Variants in SGCZ observed in about 807,000 individuals in gnomAD.
SGCZ encodes sarcoglycan zeta, also known as zeta-sarcoglycan.
SGCZ carries 40 observed loss-of-function variants against 41.3 expected under a neutral mutation model. That is an observed-to-expected ratio of 0.97 (90% CI 0.75 to 1.26). The LOEUF (loss-of-function observed/expected upper bound fraction) is 1.26. Ranked by LOEUF, SGCZ falls within the 50% of genes most tolerant of loss-of-function variation. The pLI is 0.00. For synonymous variants in SGCZ, 206 were observed against 137.5 expected (o/e 1.50, Z -3.49); for missense variants, 552 against 369.8 (o/e 1.49, Z -4.04).
chr8:14,124,393 C>A (rs1276334083), intron 5 of SGCZ, among the ~76,000 whole-genome samples: 1 of 152,062 alleles, frequency 6.6e-6, no homozygotes, highest in Non-Finnish European at 1.5e-5. Context: ...CACACCCACA[C>A]AAGACCCCAA....
chr8:14,409,178 A>G (rs1279495972), intron 2 of SGCZ, among the ~76,000 whole-genome samples: 1 of 152,060 alleles, frequency 6.6e-6, no homozygotes, highest in Non-Finnish European at 1.5e-5. Context: ...CATTTATATA[A>G]CCAACACGTT....
At chr8:15,221,887 A>G (rs576372776) in intron 1 of SGCZ, among the ~76,000 whole-genome samples, 2 of 152,316 alleles carry the variant, frequency 1.3e-5, no homozygotes, top group African/African-American at 4.8e-5. Context: ...CCATGTCACC[A>G]TGTGGAACAC....
At chr8:14,498,161 A>G (rs1585596507) in intron 2 of SGCZ, among the ~76,000 whole-genome samples, 1 of 152,222 alleles carries the variant, frequency 6.6e-6, no homozygotes, top group East Asian at 1.9e-4. Context: ...ACTTTTCTCT[A>G]TCTAGGCATT....
At chr8:14,970,898 G>C (rs2130864245) in intron 1 of SGCZ, among the ~76,000 whole-genome samples, 1 of 152,228 alleles carries the variant, frequency 6.6e-6, no homozygotes, top group Non-Finnish European at 1.5e-5. Context: ...GAACTGGCAT[G>C]CTAACAATGT....
intron 2 of SGCZ, among the ~76,000 whole-genome samples, chr8:14,411,404 A>G (rs926406375): frequency 6.6e-6 from 1 of 152,142 alleles, no homozygotes; most frequent in Non-Finnish European, 1.5e-5. Flanking sequence ...GGTCATGCCT[A>G]CTTCAATTTA....
chr8:14,613,903 T>C (rs1201155043), intron 1 of SGCZ, among the ~76,000 whole-genome samples: 3 of 152,046 alleles, frequency 2.0e-5, no homozygotes, highest in Non-Finnish European at 2.9e-5. Flanking sequence ...CAAAAAAAAA[T>C]CAAAATCTAG....
intron 2 of SGCZ, among the ~76,000 whole-genome samples, chr8:14,407,007 G>A (rs2199416): frequency 0.22 from 32,996 of 150,950 alleles, 3,968 homozygotes; most frequent in Non-Finnish European, 0.29. Context: ...TTTGGAGCCT[G>A]CCTGTCCTGC....
intron 5 of SGCZ, among the ~76,000 whole-genome samples, chr8:14,125,504 A>G (rs1158262016): frequency 1.7e-5 from 1 of 59,466 alleles, no homozygotes; most frequent in Non-Finnish European, 2.8e-5. Flanking sequence ...ATTCCGTCTC[A>G]AAAAAAAAAA....
chr8:14,676,346 A>ATGTATGTGTGTGTGTGTGTG (rs1554478521), intron 1 of SGCZ, among the ~76,000 whole-genome samples: 2 of 149,310 alleles, frequency 1.3e-5, no homozygotes, highest in Non-Finnish European at 1.5e-5. Context: ...AATGAAATAG[A>ATGTATGTGTGTGTGTGTGTG]TGTGTGTGTG....
At chr8:14,762,823 G>T (rs1799932963) in intron 1 of SGCZ, among the ~76,000 whole-genome samples, 1 of 152,186 alleles carries the variant, frequency 6.6e-6, no homozygotes, top group Non-Finnish European at 1.5e-5. Flanking sequence ...GCTTTGCAAA[G>T]AGATATCTCT....
In SGCZ at chr8:14,089,919, T is replaced by C. The variant is rs1192406623; in HGVS notation, c.*524A>G. 6.6e-6 allele frequency: 1 copy of C among 152,520 alleles called. No homozygotes were observed. Among genetic ancestry groups the C allele is most frequent in the Non-Finnish European group, 1.5e-5 (1 of 68,022 alleles). The allele number at this position is 152,520 out of a possible 1,614,324, so 9.4% of individuals were successfully genotyped here. ...GTTCTGTTTTGTTAAAAACCATGTA[T>C]TGAATTTAAATTTTAGTAAAGCAAG... On this transcript the variant is annotated 3_prime_UTR_variant, in exon 8 of 8. Transcript: ENST00000382080.
At chr8:14,754,464 T>C (rs905276788) in intron 1 of SGCZ, among the ~76,000 whole-genome samples, 1 of 152,188 alleles carries the variant, frequency 6.6e-6, no homozygotes, top group Non-Finnish European at 1.5e-5. Context: ...TTATTGCTTA[T>C]TATTGCTTCT....
chr8:14,234,684 A>G (rs1490502389), intron 4 of SGCZ, among the ~76,000 whole-genome samples: 1 of 152,140 alleles, frequency 6.6e-6, no homozygotes, highest in Admixed American at 6.5e-5. Context: ...ATAAGAAAAG[A>G]AATAGACAAG....
At chr8:15,176,784 A>G (rs923733512) in intron 1 of SGCZ, among the ~76,000 whole-genome samples, 3 of 152,116 alleles carry the variant, frequency 2.0e-5, no homozygotes, top group African/African-American at 7.2e-5. Context: ...GGCGGATCAC[A>G]AGGTCAGGAG....
At chr8:14,971,633 T>C (rs116653077) in intron 1 of SGCZ, among the ~76,000 whole-genome samples, 6,885 of 148,112 alleles carry the variant, frequency 0.046, 327 homozygotes, top group African/African-American at 0.12. Context: ...GAGGCATTAC[T>C]CATTTTATAT....
chr8:14,653,256 A>T (rs1807460880), intron 1 of SGCZ, among the ~76,000 whole-genome samples: 1 of 152,102 alleles, frequency 6.6e-6, no homozygotes, highest in African/African-American at 2.4e-5. Context: ...TTCTGGTTTG[A>T]GGCAGTAACA....
At chr8:14,684,409 C>T (rs1439677602) in intron 1 of SGCZ, among the ~76,000 whole-genome samples, 1 of 152,156 alleles carries the variant, frequency 6.6e-6, no homozygotes, top group Non-Finnish European at 1.5e-5. Flanking sequence ...ACATTTCATA[C>T]AACTTACAGG....
At chr8:15,235,330 G>A (rs1167159286) in intron 1 of SGCZ, among the ~76,000 whole-genome samples, 2 of 152,236 alleles carry the variant, frequency 1.3e-5, no homozygotes, top group Non-Finnish European at 1.5e-5. Context: ...CCCAAAACTG[G>A]AGGATCTCAA....
intron 1 of SGCZ, among the ~76,000 whole-genome samples, chr8:15,135,187 T>G (rs1337280103): frequency 6.6e-6 from 1 of 152,212 alleles, no homozygotes; most frequent in Non-Finnish European, 1.5e-5. Flanking sequence ...CAGTTCACCA[T>G]TTATTTTTCT....
Sources: gnomAD v4.1 joint callset for allele counts (sites outside exome capture counted in the v4.1 genomes callset) on GRCh38, gnomAD v4.1.1 for gene constraint, MANE v1.5 for transcripts, NCBI Gene and HGNC (gene_info 2026-07-23, HGNC 2026-07-21) for gene names.